Variants in POU6F2 observed in about 807,000 individuals in gnomAD.
POU6F2 encodes POU domain, class 6, transcription factor 2.
POU6F2 carries 31 observed loss-of-function variants against 71.3 expected under a neutral mutation model. That is an observed-to-expected ratio of 0.43 (90% CI 0.33 to 0.59). The LOEUF (loss-of-function observed/expected upper bound fraction) is 0.59, where lower values mean the gene tolerates loss of function less well. Ranked by LOEUF, POU6F2 falls within the 20% of genes least tolerant of loss-of-function variation. The pLI, the probability that POU6F2 is intolerant of heterozygous loss-of-function variation, is 0.04. For missense variants in POU6F2, 783 were observed against 856.8 expected (o/e 0.91, Z 1.07); for synonymous variants, 347 against 355.7 (o/e 0.98, Z 0.27).
intron 2 of POU6F2, chr7:39,132,798 G>T (rs1447585161): frequency 1.3e-5 from 2 of 152,196 alleles, no homozygotes; most frequent in African/African-American, 4.8e-5. Flanking sequence ...GAATTATTTT[G>T]CTCCGCCTAC....
At chr7:39,308,684 A>G (rs1042237917) in intron 4 of POU6F2, among the ~76,000 whole-genome samples, 1 of 152,166 alleles carries the variant, frequency 6.6e-6, no homozygotes, top group Non-Finnish European at 1.5e-5. Context: ...GTAGAACGTC[A>G]TCCAGCTCAG....
At chr7:39,240,686 A>G (rs1783709533) in intron 4 of POU6F2, among the ~76,000 whole-genome samples, 1 of 152,184 alleles carries the variant, frequency 6.6e-6, no homozygotes, top group Admixed American at 6.6e-5. Flanking sequence ...AGGTACTAAA[A>G]AAGTATTGCT....
intron 2 of POU6F2, among the ~76,000 whole-genome samples, chr7:39,109,759 G>C (rs996637424): frequency 1.3e-5 from 2 of 152,148 alleles, no homozygotes; most frequent in Non-Finnish European, 2.9e-5. Context: ...AGTTATATTG[G>C]CTTTAAATTT....
chr7:39,300,320 C>A (rs369264990), intron 4 of POU6F2, among the ~76,000 whole-genome samples: 1 of 152,120 alleles, frequency 6.6e-6, no homozygotes, highest in South Asian at 2.1e-4. Flanking sequence ...AAGGATGTAT[C>A]CAGATCCCCG....
At chr7:39,389,670 T>G (rs555949173) in intron 5 of POU6F2, among the ~76,000 whole-genome samples, 1 of 152,226 alleles carries the variant, frequency 6.6e-6, no homozygotes. Context: ...CCAATACATA[T>G]AAAAATTTGT....
At chr7:39,049,194 G>A (rs949459156) in intron 1 of POU6F2, among the ~76,000 whole-genome samples, 1 of 151,548 alleles carries the variant, frequency 6.6e-6, no homozygotes, top group Admixed American at 6.6e-5. Flanking sequence ...TTTCCTTGAT[G>A]TTCATGTAAA....
At chr7:39,071,059 G>C (rs1273563738) in intron 1 of POU6F2, among the ~76,000 whole-genome samples, 1 of 152,020 alleles carries the variant, frequency 6.6e-6, no homozygotes, top group African/African-American at 2.4e-5. Context: ...TACATATATT[G>C]TGCATTTTAT....
intron 2 of POU6F2, among the ~76,000 whole-genome samples, chr7:39,125,326 T>A (rs1294979731): frequency 6.6e-6 from 1 of 152,200 alleles, no homozygotes; most frequent in Non-Finnish European, 1.5e-5. Context: ...AAAGCTGAAA[T>A]TAGATTCTCT....
At chr7:39,402,741 A>G (rs1787332446) in intron 5 of POU6F2, among the ~76,000 whole-genome samples, 1 of 152,156 alleles carries the variant, frequency 6.6e-6, no homozygotes. Context: ...ACTCTAAAAT[A>G]CTTTTACACA....
Position 39,053,654 on chromosome 7 carries a change from T to C in POU6F2, c.106-32206T>C, listed in dbSNP as rs534724438. 9.9e-5 allele frequency among the ~76,000 whole-genome samples: 15 copies of C among 152,078 alleles called. No individual in the cohort carries two copies. The South Asian group carries it at 2.7e-3, about 27-fold the overall frequency. On this transcript the variant is annotated intron_variant, in intron 1 of 9. Coordinates refer to ENST00000518318, the MANE Select transcript of POU6F2 (RefSeq NM_001370959.1). ...AGCATATGTTACAGATAATTGCCCA[T>C]TTTTTTTCTATTCTTTATCATCAGT... is the stretch of plus-strand genomic sequence containing the variant.
intron 4 of POU6F2, among the ~76,000 whole-genome samples, chr7:39,327,306 G>A (rs954236653): frequency 1.6e-4 from 24 of 150,866 alleles, no homozygotes; most frequent in African/African-American, 5.6e-4. Flanking sequence ...AAATTCATAC[G>A]CACATACCCA....
chr7:39,313,121 A>T (rs1030829853), intron 4 of POU6F2, among the ~76,000 whole-genome samples: 1 of 152,106 alleles, frequency 6.6e-6, no homozygotes, highest in African/African-American at 2.4e-5. Context: ...ATGGTTTACA[A>T]GTTTCTGCCC....
At chr7:39,126,534 T>G (rs1220276386) in intron 2 of POU6F2, among the ~76,000 whole-genome samples, 1 of 152,236 alleles carries the variant, frequency 6.6e-6, no homozygotes, top group Non-Finnish European at 1.5e-5. Flanking sequence ...CTTCTAGAAA[T>G]GGCTGCATGA....
At chr7:38,999,389 G>T (rs900851512) in intron 1 of POU6F2, among the ~76,000 whole-genome samples, 2 of 152,132 alleles carry the variant, frequency 1.3e-5, no homozygotes, top group South Asian at 2.1e-4. Flanking sequence ...ATGATCCAAG[G>T]CTGTTCAGGT....
intron 6 of POU6F2, 79 bp downstream of exon 6, chr7:39,406,819 A>C (rs926548691): frequency 6.5e-7 from 1 of 1,537,626 alleles, no homozygotes; most frequent in Non-Finnish European, 8.9e-7. Context: ...TTTGCATGAC[A>C]GTGATATGTA....
At chr7:39,402,116 A>G (rs1164333516) in intron 5 of POU6F2, among the ~76,000 whole-genome samples, 1 of 152,258 alleles carries the variant, frequency 6.6e-6, no homozygotes, top group African/African-American at 2.4e-5. Context: ...CAGGATACAA[A>G]CTATGCATCT....
At chr7:39,238,198 A>T (rs1039344572) in intron 4 of POU6F2, among the ~76,000 whole-genome samples, 11 of 152,206 alleles carry the variant, frequency 7.2e-5, no homozygotes, top group Admixed American at 3.3e-4. Flanking sequence ...CTCTAAACTC[A>T]GTTTGAGCAT....
chr7:39,307,842 T>C (rs1785076552), intron 4 of POU6F2, among the ~76,000 whole-genome samples: 1 of 151,804 alleles, frequency 6.6e-6, no homozygotes, highest in Non-Finnish European at 1.5e-5. Context: ...TAGTCCCAGC[T>C]ACTCAGAGAG....
chr7:39,204,154 T>C (rs1793960331), intron 2 of POU6F2, 81 bp from the exon 3 acceptor site: 5 of 1,186,744 alleles, frequency 4.2e-6, no homozygotes, highest in Non-Finnish European at 6.2e-6. Context: ...CTCTGTCATA[T>C]CATCTATGCC....
Sources: allele counts gnomAD v4.1 joint callset (sites outside exome capture counted in the v4.1 genomes callset), GRCh38; gene constraint gnomAD v4.1.1; transcripts MANE v1.5; gene names NCBI Gene and HGNC (gene_info 2026-07-23, HGNC 2026-07-21).